The following MED14 variants were observed in gnomAD, a reference collection of about 807,000 sequenced individuals.
The protein encoded by MED14 is mediator of RNA polymerase II transcription subunit 14.
A neutral mutation model predicts 109.0 loss-of-function variants in MED14; 8 were observed. That is an observed-to-expected ratio of 0.07 (90% CI 0.04 to 0.13). The LOEUF (loss-of-function observed/expected upper bound fraction) is 0.13. Among genes scored for constraint, MED14 ranks in the 10% least tolerant of loss-of-function variants. The pLI is 1.00. For synonymous variants in MED14, 399 were observed against 408.7 expected, an observed-to-expected ratio of 0.98 and a Z score of 0.29; for missense variants, 711 against 1,142.4, an observed-to-expected ratio of 0.62 and a Z score of 5.44.
chrX:40,728,761 T>C (rs760870761), intron 2 of MED14, among the ~76,000 whole-genome samples: 22 of 111,734 alleles, frequency 2.0e-4, no homozygotes, highest in African/African-American at 6.8e-4. Flanking sequence ...TAGGCAAATG[T>C]CAACTCTCTA....
rs1379014822 is a variant in MED14, at chrX:40,712,220, A to T, written c.855T>A (p.Asp285Glu). 8.3e-7 allele frequency: 1 copy of T among 1,204,672 alleles called. No homozygotes were observed. The highest frequency in any genetic ancestry group is 1.1e-6 in the Non-Finnish European group (1 of 891,911). The change falls in exon 7 of 31, where the codon GAT (aspartate) becomes GAA (glutamate). Residue 285 changes from aspartate (D) to glutamate (E), a missense_variant. Asp to Glu is a conservative substitution (Grantham distance 45, BLOSUM62 2). Around this residue, in one of 8 missense-constraint regions of MED14, gnomAD observed 388 missense variants for 517.3 expected, o/e 0.75. Transcript: ENST00000324817. ...HQLVQSRLFA[D>E]EKPLQDMYNC... ...TGTACATATCCTGAAGAGGTTTCTCATCAGCAAAGAGCCTAGACTGCACCA... is the reference window on the plus strand; with the variant it reads ...TGTACATATCCTGAAGAGGTTTCTCTTCAGCAAAGAGCCTAGACTGCACCA...
At chrX:40,695,060 A>G (rs1930675008) in intron 13 of MED14, among the ~76,000 whole-genome samples, 1 of 111,987 alleles carries the variant, frequency 8.9e-6, no homozygotes, top group South Asian at 3.7e-4. Flanking sequence ...ACACAACAAC[A>G]CAGATGAATG....
intron 13 of MED14, 151 bp downstream of exon 13, chrX:40,696,873 T>G: frequency 4.2e-6 from 2 of 477,685 alleles, no homozygotes; most frequent in Non-Finnish European, 7.1e-6. Flanking sequence ...AGACGTGACA[T>G]TCCTCTCTCC....
intron 3 of MED14, among the ~76,000 whole-genome samples, chrX:40,721,915 T>C (rs1037396056): frequency 8.9e-6 from 1 of 112,363 alleles, no homozygotes. Context: ...AGGCAGTACC[T>C]CTATGAGTCG....
In MED14 at chrX:40,708,472, T is replaced by C. The variant is rs761223556; in HGVS notation, c.1285+876A>G. On this transcript the variant is annotated intron_variant, in intron 10 of 30. Coordinates refer to ENST00000324817, the MANE Select transcript of MED14 (RefSeq NM_004229.4). ...TAAGAAGCTGCTTCTTTAAGTATAA[T>C]GGATTGAGCTGAGCTCTGTGATGAC... 6.2e-5 allele frequency among the ~76,000 whole-genome samples: 7 copies of C among 112,175 alleles called. No individual in the cohort carries two copies. In the South Asian group the frequency reaches 2.6e-3, roughly 41 times the overall value.
intron 16 of MED14, among the ~76,000 whole-genome samples, chrX:40,684,784 G>A (rs1215930088): frequency 8.9e-6 from 1 of 112,466 alleles, no homozygotes; most frequent in East Asian, 2.8e-4. Flanking sequence ...ATGTGTTCAA[G>A]TGAGAACTAA....
chrX:40,688,317 C>T, intron 16 of MED14, 137 bp downstream of exon 16: 1 of 451,231 alleles, frequency 2.2e-6, no homozygotes, highest in South Asian at 4.0e-5. Flanking sequence ...TTCCCCCAGA[C>T]CCTAGTAACT....
Position 40,649,966 on chromosome X carries a change from A to G in MED14, c.*1840T>C. 10 of 749,474 alleles carry G rather than the reference A, an allele frequency of 1.3e-5. No individual in the cohort carries two copies. The South Asian group carries it at 6.1e-4, about 46-fold the overall frequency. The allele number at this position is 749,474 out of a possible 1,213,427, so 61.8% of individuals were successfully genotyped here. A position where few individuals can be genotyped will look rare whatever the true frequency, so the allele number is the denominator to read the frequency against. The stretch of plus-strand genomic sequence containing the variant: ...AATTAACATTTCAAAACCACATTAA[A>G]AGGGAAAATACCTAAAAAGTTAACT... On this transcript the variant is annotated 3_prime_UTR_variant, in exon 31 of 31. Coordinates refer to ENST00000324817, the MANE Select transcript of MED14 (RefSeq NM_004229.4).
At chrX:40,718,413 G>GT (rs1356534249) in intron 3 of MED14, among the ~76,000 whole-genome samples, 2 of 112,325 alleles carry the variant, frequency 1.8e-5, no homozygotes, top group Admixed American at 1.9e-4. Flanking sequence ...GGATGCCACA[G>GT]TTTATCCAGC....
At chrX:40,715,456 G>A (rs1315147534) in intron 3 of MED14, among the ~76,000 whole-genome samples, 1 of 111,004 alleles carries the variant, frequency 9.0e-6, no homozygotes, top group East Asian at 2.8e-4. Context: ...CTGAGACTAT[G>A]AAACTACTAG....
Position 40,735,353 on chromosome X carries a change from G to GC in MED14, c.59dup (p.Ser21GlnfsTer26). 1 of 1,065,480 alleles carries GC rather than the reference G, an allele frequency of 9.4e-7. No individual in the cohort carries two copies. The highest frequency in any genetic ancestry group is 1.2e-6 in the Non-Finnish European group (1 of 828,472). The allele number at this position is 1,065,480 out of a possible 1,213,427, so 87.8% of individuals were successfully genotyped here. ...CTGGGGCTGACGGGGGTCCGCCGCT[G>GC]CCCCCGCCGCCGCCTCCGGGCGGGA... On this transcript the variant is annotated frameshift_variant, in exon 1 of 31. Transcript: ENST00000324817. LOFTEE classifies it high-confidence loss of function.
chrX:40,694,375 A>C (rs764022009), intron 13 of MED14, among the ~76,000 whole-genome samples: 8 of 111,500 alleles, frequency 7.2e-5, no homozygotes, highest in Non-Finnish European at 1.3e-4. Context: ...AATTTAAGAA[A>C]AGTCCCCTAA....
chrX:40,715,978 GAACTC>G (rs930603132), intron 3 of MED14, among the ~76,000 whole-genome samples: 6 of 109,854 alleles, frequency 5.5e-5, no homozygotes, highest in African/African-American at 2.0e-4. Flanking sequence ...AATACATAAG[GAACTC>G]AACTCAATAG....
rs1423633449 is a variant in MED14 at position 40,735,362 on chromosome X, G to A, written c.51C>T (p.Gly17=). Residue 17 remains glycine (G), a synonymous_variant, in exon 1 of 31, where the codon GGC becomes GGT. Coordinates refer to ENST00000324817, the MANE Select transcript of MED14 (RefSeq NM_004229.4). ...ACGGGGGTCCGCCGCTGCCCCCGCC[G>A]CCGCCTCCGGGCGGGACCAGCTGGT... The part of the protein sequence containing the change: ...ENHQLVPPGG[G]GGGSGGPPSA... 4 of 1,062,128 alleles carry A rather than the reference G, an allele frequency of 3.8e-6. No individual in the cohort carries two copies. The highest frequency in any genetic ancestry group is 2.0e-5 in the African/African-American group (1 of 50,118). The allele number at this position is 1,062,128 out of a possible 1,213,427, so 87.5% of individuals were successfully genotyped here. A position where few individuals can be genotyped will look rare whatever the true frequency, so the allele number is the denominator to read the frequency against.
At chrX:40,710,170 T>G (rs374256992) in intron 8 of MED14, 41 bp from the exon 9 acceptor site, 1 of 929,992 alleles carries the variant, frequency 1.1e-6, no homozygotes, top group African/African-American at 2.0e-5. Context: ...TTCAACACAG[T>G]CTGTTAACTT....
rs1189910699 is a variant in MED14 at position 40,735,349 on chromosome X, C to T, written c.64G>A (p.Gly22Ser). The T allele has an allele frequency of 2.8e-6, 3 of 1,067,779 alleles. No individual in the cohort carries two copies. Among genetic ancestry groups the T allele is most frequent in the Admixed American group, 4.7e-5 (1 of 21,304 alleles). The allele number at this position is 1,067,779 out of a possible 1,213,427, so 88.0% of individuals were successfully genotyped here. ...GGGGCTGGGGCTGACGGGGGTCCGC[C>T]GCTGCCCCCGCCGCCGCCTCCGGGC... ...VPPGGGGGGSGGPPSAPAPPP... is the reference protein window; with the variant it reads ...VPPGGGGGGSSGPPSAPAPPP... The change falls in exon 1 of 31, where the codon GGC becomes AGC. Residue 22 changes from glycine (G) to serine (S), a missense_variant. Gly to Ser is a moderately conservative substitution (Grantham distance 56, BLOSUM62 0). Around this residue, in one of 8 missense-constraint regions of MED14, gnomAD observed 62 missense variants for 55.2 expected, o/e 1.12. Coordinates refer to ENST00000324817, the MANE Select transcript of MED14 (RefSeq NM_004229.4).
chrX:40,690,227 C>T (rs1033253795), intron 15 of MED14, among the ~76,000 whole-genome samples: 1 of 112,051 alleles, frequency 8.9e-6, no homozygotes, highest in African/African-American at 3.2e-5. Context: ...GGACATTCAT[C>T]AGGCTCACAG....
intron 2 of MED14, among the ~76,000 whole-genome samples, chrX:40,728,514 A>G (rs931942181): frequency 9.0e-6 from 1 of 110,850 alleles, no homozygotes; most frequent in Non-Finnish European, 1.9e-5. Flanking sequence ...AATGCTAAAA[A>G]GTTGCCAAGT....
chrX:40,696,911 T>C (rs903716409), intron 13 of MED14, 113 bp downstream of exon 13: 3 of 697,042 alleles, frequency 4.3e-6, no homozygotes, highest in Admixed American at 2.9e-5. Context: ...GGTTTCACTA[T>C]ACCAAAGTCA....
Sources: gnomAD v4.1 joint callset for allele counts (sites outside exome capture counted in the v4.1 genomes callset) on GRCh38, gnomAD v4.1.1 for gene constraint, gnomAD v4.1.1 regional missense constraint, MANE v1.5 for transcripts, NCBI Gene and HGNC (gene_info 2026-07-23, HGNC 2026-07-21) for gene names.